Variants in RBFOX2 observed in about 807,000 individuals in gnomAD.
RBFOX2 encodes RNA binding fox-1 homolog 2.
Under a neutral mutation model 49.1 loss-of-function variants are expected in RBFOX2, and 10 were observed. The observed-to-expected ratio is 0.20, with a 90% CI of 0.13 to 0.35. The LOEUF is 0.35. Ranked by LOEUF, RBFOX2 falls within the 10% of genes least tolerant of loss-of-function variation. The pLI is 1.00. For missense variants in RBFOX2, 323 were observed against 486.9 expected (o/e 0.66, Z 3.17); for synonymous variants, 183 against 187.4 (o/e 0.98, Z 0.19).
intron 1 of RBFOX2, among the ~76,000 whole-genome samples, chr22:35,937,998 G>A (rs1357898488): frequency 6.6e-6 from 1 of 152,168 alleles, no homozygotes. Context: ...ATATCTCCTG[G>A]ACAAGTATAA....
At chr22:35,800,236 T>C (rs1225793142) in intron 2 of RBFOX2, among the ~76,000 whole-genome samples, 3 of 151,972 alleles carry the variant, frequency 2.0e-5, no homozygotes, top group African/African-American at 7.2e-5. Flanking sequence ...CCTGAATTCA[T>C]TCCCCCTCTA....
intron 4 of RBFOX2, among the ~76,000 whole-genome samples, chr22:35,769,958 C>T (rs988143644): frequency 4.6e-5 from 7 of 152,012 alleles, no homozygotes; most frequent in African/African-American, 1.4e-4. Flanking sequence ...GATTTTAAAA[C>T]GTATGTTGCT....
exon 12 of RBFOX2, chr22:35,743,950 A>C: frequency 2.7e-6 from 1 of 376,368 alleles, no homozygotes. Flanking sequence ...TTTTTACCAC[A>C]GTTTAAAAAA....
At chr22:35,915,332 G>A (rs867083757) in intron 1 of RBFOX2, among the ~76,000 whole-genome samples, 1 of 152,298 alleles carries the variant, frequency 6.6e-6, no homozygotes, top group Middle Eastern at 3.4e-3. Flanking sequence ...AATTAGTTGA[G>A]GCAATGCCCT....
intron 1 of RBFOX2, among the ~76,000 whole-genome samples, chr22:36,011,280 G>T (rs2058811508): frequency 6.6e-6 from 1 of 152,112 alleles, no homozygotes; most frequent in Non-Finnish European, 1.5e-5. Flanking sequence ...TCTCTAAAAG[G>T]TAGCAACATC....
At chr22:35,905,763 T>G (rs2049055805) in intron 1 of RBFOX2, among the ~76,000 whole-genome samples, 1 of 152,108 alleles carries the variant, frequency 6.6e-6, no homozygotes, top group South Asian at 2.1e-4. Context: ...AGGAAGCTCT[T>G]AAAATACCAT....
intron 1 of RBFOX2, among the ~76,000 whole-genome samples, chr22:35,846,005 G>T (rs1280215570): frequency 1.3e-5 from 2 of 151,002 alleles, no homozygotes; most frequent in Middle Eastern, 3.5e-3. Flanking sequence ...ATATAAACTT[G>T]CATGTTAATA....
chr22:35,914,842 T>C (rs2050229405), intron 1 of RBFOX2, among the ~76,000 whole-genome samples: 1 of 152,204 alleles, frequency 6.6e-6, no homozygotes, highest in Non-Finnish European at 1.5e-5. Context: ...TTCTGAACAC[T>C]TGACCACCAA....
At chr22:35,891,962 T>C (rs1041397094) in intron 1 of RBFOX2, among the ~76,000 whole-genome samples, 1 of 151,162 alleles carries the variant, frequency 6.6e-6, no homozygotes, top group Non-Finnish European at 1.5e-5. Context: ...AGAGGAAAAA[T>C]ATTTCACAAA....
At chr22:36,005,257 T>A (rs1320703625) in intron 1 of RBFOX2, among the ~76,000 whole-genome samples, 1 of 152,232 alleles carries the variant, frequency 6.6e-6, no homozygotes, top group Non-Finnish European at 1.5e-5. Flanking sequence ...ATCAGTGGCA[T>A]ACACTGCTGC....
At chr22:35,965,372 T>C (rs1451977554), upstream of RBFOX2, among the ~76,000 whole-genome samples, 1 of 152,180 alleles carries the variant, frequency 6.6e-6, no homozygotes, top group East Asian at 1.9e-4. Context: ...TAAAATGCCT[T>C]ACTTTGAGTT....
chr22:35,928,263 G>GTGTC (rs944767766), intron 1 of RBFOX2, among the ~76,000 whole-genome samples: 2 of 152,076 alleles, frequency 1.3e-5, no homozygotes, highest in African/African-American at 2.4e-5. Context: ...GGGGGCAGGG[G>GTGTC]TGTCTGTCTG....
chr22:36,015,358 A>G (rs766967490), intron 1 of RBFOX2, among the ~76,000 whole-genome samples: 8 of 152,244 alleles, frequency 5.3e-5, no homozygotes, highest in Non-Finnish European at 7.3e-5. Context: ...TGTGCATAGC[A>G]TAAGACCAGG....
intron 1 of RBFOX2, among the ~76,000 whole-genome samples, chr22:35,893,402 T>C (rs558166187): frequency 6.6e-6 from 1 of 152,326 alleles, no homozygotes; most frequent in African/African-American, 2.4e-5. Flanking sequence ...TCTGCTTTCA[T>C]CAAACATAAG....
intron 1 of RBFOX2, among the ~76,000 whole-genome samples, chr22:35,951,270 G>A (rs1260131910): frequency 1.0e-4 from 10 of 95,288 alleles, no homozygotes; most frequent in South Asian, 7.1e-4. Context: ...TTTTTGAGAC[G>A]GAGTTTTGCT....
chr22:35,745,896 T>G (rs757553194), intron 11 of RBFOX2, 27 bp downstream of exon 13: 2 of 1,588,044 alleles, frequency 1.3e-6, no homozygotes, highest in Admixed American at 3.4e-5. Context: ...AATGGTTTTA[T>G]AAAGCAATGG....
In RBFOX2 at chr22:35,759,262, G is replaced by A. The variant is rs567146195; in HGVS notation, c.887+626C>T. Among the ~76,000 whole-genome samples, 74 of 152,162 alleles carry A rather than the reference G, an allele frequency of 4.9e-4. No individual in the cohort carries two copies. Among genetic ancestry groups the A allele is most frequent in the Non-Finnish European group, 8.2e-4 (56 of 68,020 alleles). ...CGGTGAAGGATGCTCAGCTACAGTC[G>A]CTGTTTTACCATCATTCAGAAGCCA... On this transcript the variant is annotated intron_variant, in intron 9 of 11. Coordinates refer to ENST00000405409, the Ensembl canonical transcript of RBFOX2. The surrounding 1 kb of genome is among the most constrained non-coding windows in gnomAD (Gnocchi z 4.6).
At chr22:35,867,903 T>C (rs979352738) in intron 1 of RBFOX2, among the ~76,000 whole-genome samples, 2 of 152,122 alleles carry the variant, frequency 1.3e-5, no homozygotes, top group Admixed American at 1.3e-4. Context: ...ACACAGCATA[T>C]CACACCACTT....
intron 1 of RBFOX2, among the ~76,000 whole-genome samples, chr22:35,859,759 C>T (rs2042913428): frequency 1.3e-5 from 2 of 152,278 alleles, no homozygotes; most frequent in South Asian, 4.1e-4. Flanking sequence ...GCAGGGTTTT[C>T]ACCATGTTGG....
Sources: allele counts gnomAD v4.1 joint callset (sites outside exome capture counted in the v4.1 genomes callset), GRCh38; gene constraint gnomAD v4.1.1; non-coding constraint Gnocchi (gnomAD v3.1); transcripts MANE v1.5; gene names NCBI Gene and HGNC (gene_info 2026-07-23, HGNC 2026-07-21).